The following ARL6IP6 variants were observed in gnomAD, a reference collection of about 807,000 sequenced individuals.
ARL6IP6 encodes ADP-ribosylation factor-like protein 6-interacting protein 6.
In ARL6IP6, 22 loss-of-function variants were observed where a neutral mutation model predicts 21.5. The observed-to-expected ratio is 1.02, with a 90% confidence interval of 0.73 to 1.46. ARL6IP6 has a LOEUF of 1.46. ARL6IP6 is among the 40% of genes most tolerant of loss of function. ARL6IP6 has a pLI of 0.00. For missense variants in ARL6IP6, 388 were observed against 299.8 expected (o/e 1.29, Z -2.17); for synonymous variants, 164 against 125.3 (o/e 1.31, Z -2.06).
At chr2:152,735,210 C>G in intron 3 of ARL6IP6, 84 bp downstream of exon 3, 3 of 1,475,048 alleles carry the variant, frequency 2.0e-6, no homozygotes, top group Admixed American at 1.8e-5. Context: ...AGAGGCTGAT[C>G]GTGAGGTATG....
In ARL6IP6 at chr2:152,718,650, G is replaced by C. The variant is rs755993868; in HGVS notation, c.26G>C (p.Arg9Pro). ...ATGTCGTTTGCTGAGAGCGGGTGGC[G>C]GTCGGCTCTGCGGCGCCGCGGTCCC... MSFAESGWRSALRRRGPGT... is the reference protein window; with the variant it reads MSFAESGWPSALRRRGPGT... Residue 9 changes from arginine to proline, a missense_variant, in exon 1 of 4, where the codon CGG becomes CCG. Arg to Pro is a moderately radical substitution (Grantham distance 103). Coordinates refer to ENST00000326446, the MANE Select transcript of ARL6IP6 (RefSeq NM_152522.7). 5 of 1,547,982 alleles carry C rather than the reference G, an allele frequency of 3.2e-6. No individual in the cohort carries two copies. In the South Asian group the frequency reaches 3.6e-5, roughly 11 times the overall value.
intron 2 of ARL6IP6, among the ~76,000 whole-genome samples, chr2:152,723,004 A>G (rs921198668): frequency 6.6e-6 from 1 of 152,214 alleles, no homozygotes; most frequent in Non-Finnish European, 1.5e-5. Flanking sequence ...AAGTTAGCCT[A>G]TTTACAGAAT....
At chr2:152,732,455 A>T (rs1395417217) in intron 2 of ARL6IP6, 1 of 391,244 alleles carries the variant, frequency 2.6e-6, no homozygotes, top group Admixed American at 3.8e-5. Context: ...TAACATTTGT[A>T]GTTTTTATTC....
intron 2 of ARL6IP6, among the ~76,000 whole-genome samples, chr2:152,728,528 G>T (rs1218395569): frequency 6.6e-6 from 1 of 152,116 alleles, no homozygotes; most frequent in Admixed American, 6.5e-5. Context: ...GCATATAACA[G>T]CCTCTTTTGC....
chr2:152,717,907 G>A, upstream of ARL6IP6: 2 of 1,003,426 alleles, frequency 2.0e-6, no homozygotes, highest in Non-Finnish European at 2.4e-6. Flanking sequence ...GACCGAATGC[G>A]CGCGCGCGGT....
intron 3 of ARL6IP6, among the ~76,000 whole-genome samples, chr2:152,741,311 T>G (rs1700798368): frequency 6.6e-6 from 1 of 152,108 alleles, no homozygotes; most frequent in African/African-American, 2.4e-5. Flanking sequence ...ATGTATATAC[T>G]TTTTTGTAAG....
intron 1 of ARL6IP6, chr2:152,719,871 T>C (rs976930521): frequency 4.3e-6 from 2 of 467,040 alleles, no homozygotes; most frequent in African/African-American, 4.0e-5. Context: ...TTAACTCCAG[T>C]TTTTATTTGT....
Position 152,746,577 on chromosome 2 carries a change from G to T in ARL6IP6, c.587+11451G>T, listed in dbSNP as rs116822595. ...CCCTAGCAGAAGGACATTTGAGCAA[G>T]TCAGTTAGTATATCCAAGCTATAAC... On this transcript the variant is annotated intron_variant, in intron 3 of 3. Coordinates refer to ENST00000326446, the MANE Select transcript of ARL6IP6 (RefSeq NM_152522.7). Among the ~76,000 whole-genome samples, 725 of 152,300 alleles carry T rather than the reference G, an allele frequency of 4.8e-3. 4 individuals carry two copies. Among genetic ancestry groups the T allele is most frequent in the African/African-American group, 0.016 (674 of 41,556 alleles).
intron 2 of ARL6IP6, among the ~76,000 whole-genome samples, chr2:152,730,148 A>G (rs745379857): frequency 6.6e-6 from 1 of 152,236 alleles, no homozygotes; most frequent in Non-Finnish European, 1.5e-5. Context: ...ATAAAATAAT[A>G]AAAATGCTCA....
At chr2:152,722,591 GAT>G (rs1321174610) in intron 2 of ARL6IP6, among the ~76,000 whole-genome samples, 6 of 152,166 alleles carry the variant, frequency 3.9e-5, no homozygotes, top group African/African-American at 1.4e-4. Flanking sequence ...GGGCCAAGAT[GAT>G]TAAGCTCTTA....
chr2:152,726,177 A>C (rs1475745670), intron 2 of ARL6IP6, among the ~76,000 whole-genome samples: 1 of 152,128 alleles, frequency 6.6e-6, no homozygotes, highest in Non-Finnish European at 1.5e-5. Context: ...TGTGAATCTA[A>C]TGATTTACCA....
At chr2:152,718,043 G>C, upstream of ARL6IP6, 1 of 995,336 alleles carries the variant, frequency 1.0e-6, no homozygotes, top group Non-Finnish European at 1.2e-6. Flanking sequence ...TAGCGGGAGG[G>C]AAGTTGTAGT....
At chr2:152,719,249 G>A (rs781110634) in intron 1 of ARL6IP6, among the ~76,000 whole-genome samples, 3 of 152,152 alleles carry the variant, frequency 2.0e-5, no homozygotes, top group Non-Finnish European at 4.4e-5. Context: ...AGGATCGTTT[G>A]ATTAAATGGG....
At chr2:152,730,750 C>A (rs1383456463) in intron 2 of ARL6IP6, among the ~76,000 whole-genome samples, 1 of 152,088 alleles carries the variant, frequency 6.6e-6, no homozygotes, top group Non-Finnish European at 1.5e-5. Flanking sequence ...GTGGCAACTT[C>A]CAGCCACATG....
intron 3 of ARL6IP6, among the ~76,000 whole-genome samples, chr2:152,744,419 G>A (rs1700953428): frequency 6.6e-6 from 1 of 152,002 alleles, no homozygotes; most frequent in Non-Finnish European, 1.5e-5. Context: ...TTGAAGTTTG[G>A]TATCTTCTCT....
At chr2:152,733,075 A>G (rs1370647710) in intron 2 of ARL6IP6, among the ~76,000 whole-genome samples, 2 of 152,070 alleles carry the variant, frequency 1.3e-5, no homozygotes, top group African/African-American at 4.8e-5. Context: ...CAGTTTTTCC[A>G]ATGATTGCTT....
At chr2:152,720,653 C>A in intron 2 of ARL6IP6, 67 bp downstream of exon 2, 3 of 1,383,718 alleles carry the variant, frequency 2.2e-6, no homozygotes, top group Non-Finnish European at 3.1e-6. Context: ...CATGTTTGAA[C>A]TAACTCTGGG....
intron 3 of ARL6IP6, among the ~76,000 whole-genome samples, chr2:152,744,279 A>C (rs1282750194): frequency 1.3e-5 from 2 of 152,148 alleles, no homozygotes; most frequent in African/African-American, 2.4e-5. Context: ...ACTCAGTTTT[A>C]AGCTACAGTA....
rs775627964 is a variant in ARL6IP6 at position 152,746,355 on chromosome 2, T to C, written c.587+11229T>C. Among the ~76,000 whole-genome samples, 6 of 152,100 alleles carry C rather than the reference T, an allele frequency of 3.9e-5. 1 individual carries two copies. Among genetic ancestry groups the C allele is most frequent in the Non-Finnish European group, 7.4e-5 (5 of 68,024 alleles). On this transcript the variant is annotated intron_variant, in intron 3 of 3. Coordinates refer to ENST00000326446, the MANE Select transcript of ARL6IP6 (RefSeq NM_152522.7). ...CTTGCTTGTGCTATTTACAGTGTTA[T>C]ATATGAGTAGCTGAAGAGGGACAAG...
Sources: gnomAD v4.1 joint callset for allele counts (sites outside exome capture counted in the v4.1 genomes callset) on GRCh38, gnomAD v4.1.1 for gene constraint, MANE v1.5 for transcripts, NCBI Gene and HGNC (gene_info 2026-07-23, HGNC 2026-07-21) for gene names.